GRM1: variants seen among roughly 807,000 people sequenced by gnomAD.
The protein encoded by GRM1 is metabotropic glutamate receptor 1.
Under a neutral mutation model 90.9 loss-of-function variants are expected in GRM1, and 33 were observed. The observed-to-expected ratio is 0.36, with a 90% CI of 0.28 to 0.49. The LOEUF is 0.49. Ranked by LOEUF, GRM1 falls within the 20% of genes least tolerant of loss-of-function variation. The pLI, the probability that GRM1 is intolerant of heterozygous loss-of-function variation, is 0.99. For missense variants in GRM1, 1,190 were observed against 1,534.3 expected (o/e 0.78, Z 3.75); for synonymous variants, 700 against 613.2 (o/e 1.14, Z -2.09).
chr6:146,181,804 A>G (rs1286876648), intron 2 of GRM1, among the ~76,000 whole-genome samples: 10 of 152,154 alleles, frequency 6.6e-5, no homozygotes, highest in African/African-American at 2.4e-4. Context: ...GAGGTGAATA[A>G]ATATGGGATC....
At chr6:146,129,723 G>A (rs769404205) in intron 1 of GRM1, among the ~76,000 whole-genome samples, 15 of 152,094 alleles carry the variant, frequency 9.9e-5, no homozygotes, top group Admixed American at 2.0e-4. Context: ...TCTGTTTTGC[G>A]TGGTCATTAT....
intron 3 of GRM1, among the ~76,000 whole-genome samples, chr6:146,328,436 G>A (rs943769424): frequency 1.3e-5 from 2 of 152,090 alleles, no homozygotes; most frequent in Admixed American, 6.6e-5. Context: ...GGTATGTGTG[G>A]CTTTGGAAAA....
chr6:146,169,242 T>C (rs1778015673), intron 2 of GRM1, among the ~76,000 whole-genome samples: 1 of 152,176 alleles, frequency 6.6e-6, no homozygotes, highest in Non-Finnish European at 1.5e-5. Flanking sequence ...ATTTCAGATA[T>C]TGTATTTTTC....
chr6:146,110,042 C>G (rs1213477262), intron 1 of GRM1, among the ~76,000 whole-genome samples: 2 of 152,198 alleles, frequency 1.3e-5, no homozygotes, highest in Non-Finnish European at 1.5e-5. Flanking sequence ...AGGGACTTGC[C>G]TTGTCTCAGA....
Position 146,434,609 on chromosome 6 carries a change from C to A in GRM1, c.3398C>A (p.Ala1133Glu), listed in dbSNP as rs377413746. 4 of 1,613,146 alleles carry A rather than the reference C, an allele frequency of 2.5e-6. No homozygotes were observed. The Admixed American group carries it at 5.0e-5, about 20-fold the overall frequency. ...ELEEEEEDLQ[A>E]ASKLTPDDSP... ...GAAGAGGAGGAGGAGGACCTGCAGG[C>A]GGCCAGCAAACTGACCCCGGATGAT... The change falls in exon 8 of 8, where the codon GCG becomes GAG. Residue 1133 changes from alanine (A) to glutamate (E), a missense_variant. Around this residue, in one of 10 missense-constraint regions of GRM1, gnomAD observed 400 missense variants for 360.8 expected, o/e 1.11. Coordinates refer to ENST00000282753, the MANE Select transcript of GRM1 (RefSeq NM_001278064.2).
intron 1 of GRM1, among the ~76,000 whole-genome samples, chr6:146,111,000 G>C (rs1411086674): frequency 1.3e-5 from 2 of 152,328 alleles, no homozygotes; most frequent in East Asian, 3.9e-4. Context: ...TGATTGGCTA[G>C]GGCATTGTAA....
chr6:146,381,670 T>G (rs1776323675), intron 5 of GRM1, among the ~76,000 whole-genome samples: 1 of 152,218 alleles, frequency 6.6e-6, no homozygotes, highest in South Asian at 2.1e-4. Context: ...GAATTCTCTA[T>G]TCCGCCATCT....
chr6:146,291,781 C>T (rs1782993875), intron 2 of GRM1, among the ~76,000 whole-genome samples: 1 of 151,834 alleles, frequency 6.6e-6, no homozygotes, highest in Non-Finnish European at 1.5e-5. Context: ...TATTAAATTC[C>T]AACAACTGTT....
At chr6:146,347,625 T>C (rs1433536999) in intron 3 of GRM1, among the ~76,000 whole-genome samples, 1 of 152,112 alleles carries the variant, frequency 6.6e-6, no homozygotes, top group East Asian at 1.9e-4. Flanking sequence ...TTCTGCACAC[T>C]GAAAGATAAA....
chr6:146,146,931 A>C (rs984917512), intron 1 of GRM1, among the ~76,000 whole-genome samples: 1 of 152,194 alleles, frequency 6.6e-6, no homozygotes, highest in East Asian at 1.9e-4. Flanking sequence ...TTGACCCTCC[A>C]TTGTTACCAC....
intron 3 of GRM1, among the ~76,000 whole-genome samples, chr6:146,335,608 C>T (rs745647467): frequency 2.0e-5 from 3 of 152,152 alleles, no homozygotes; most frequent in Non-Finnish European, 4.4e-5. Flanking sequence ...CTTCTTCCTA[C>T]TCCAAGTCCT....
intron 1 of GRM1, among the ~76,000 whole-genome samples, chr6:146,044,720 T>A (rs1470249002): frequency 1.3e-5 from 2 of 151,984 alleles, no homozygotes; most frequent in African/African-American, 4.8e-5. Flanking sequence ...AAGGAAAGTT[T>A]AGTATGAAAT....
At chr6:146,156,474 T>A (rs1179306487) in intron 1 of GRM1, among the ~76,000 whole-genome samples, 1 of 152,170 alleles carries the variant, frequency 6.6e-6, no homozygotes, top group Non-Finnish European at 1.5e-5. Context: ...CAGTACCTGG[T>A]CTTCCTTCTT....
At chr6:146,159,821 G>A (rs902122032) in intron 2 of GRM1, 2 of 520,134 alleles carry the variant, frequency 3.8e-6, no homozygotes, top group African/African-American at 3.9e-5. Context: ...AGGCTCAGGA[G>A]GGAGGATTGG....
chr6:146,047,436 C>T (rs78816589), intron 1 of GRM1, among the ~76,000 whole-genome samples: 87 of 151,996 alleles, frequency 5.7e-4, no homozygotes, highest in African/African-American at 2.0e-3. Flanking sequence ...AAGAAGGATA[C>T]AGGCAAACTT....
At chr6:146,179,508 A>T (rs769997139) in intron 2 of GRM1, among the ~76,000 whole-genome samples, 1 of 152,034 alleles carries the variant, frequency 6.6e-6, no homozygotes, top group Non-Finnish European at 1.5e-5. Context: ...AGAACTCAGA[A>T]CTTTTTTTGT....
chr6:146,130,204 ACT>A (rs1343854195), intron 1 of GRM1, among the ~76,000 whole-genome samples: 1 of 149,026 alleles, frequency 6.7e-6, no homozygotes, highest in Non-Finnish European at 1.5e-5. Context: ...GTTTTCTGAG[ACT>A]CTAGATTTAG....
Position 146,175,129 on chromosome 6 carries a change from T to C in GRM1, c.950+15532T>C, listed in dbSNP as rs138337451. Among the ~76,000 whole-genome samples, 767 of 152,238 alleles carry C rather than the reference T, an allele frequency of 5.0e-3. 7 individuals are homozygous for C. Among genetic ancestry groups the C allele is most frequent in the Non-Finnish European group, 8.3e-3 (563 of 68,000 alleles). On this transcript the variant is annotated intron_variant, in intron 2 of 7. Coordinates refer to ENST00000282753, the MANE Select transcript of GRM1 (RefSeq NM_001278064.2). Reference sequence around the variant, plus strand: ...GTCCAGCAATTCAAGGGGAGGGGAATGCACAAGGGAATGAACACAAGGAGG... The same window carrying C: ...GTCCAGCAATTCAAGGGGAGGGGAACGCACAAGGGAATGAACACAAGGAGG...
At chr6:146,387,896 A>G (rs1037423983) in intron 6 of GRM1, among the ~76,000 whole-genome samples, 8 of 152,086 alleles carry the variant, frequency 5.3e-5, no homozygotes, top group African/African-American at 1.9e-4. Context: ...TTGTAGTGGT[A>G]TAGGAAGTTG....
Sources: allele counts gnomAD v4.1 joint callset (sites outside exome capture counted in the v4.1 genomes callset), GRCh38; gene constraint gnomAD v4.1.1; regional missense constraint gnomAD v4.1.1; transcripts MANE v1.5; gene names NCBI Gene and HGNC (gene_info 2026-07-23, HGNC 2026-07-21).